The following FBXW11 variants were observed in gnomAD, a reference collection of about 807,000 sequenced individuals.
FBXW11 encodes F-box and WD repeat domain containing 11, also known as F-box/WD repeat-containing protein 11.
FBXW11 carries 19 observed loss-of-function variants against 77.6 expected under a neutral mutation model. The ratio of observed to expected loss-of-function variants is 0.24; its 90% CI spans 0.17 to 0.36. The LOEUF (loss-of-function observed/expected upper bound fraction) is 0.36. FBXW11 is among the 10% of genes least tolerant of loss of function. FBXW11 has a pLI of 1.00. For synonymous variants in FBXW11, 235 were observed against 249.4 expected (o/e 0.94, Z 0.54); for missense variants, 334 against 704.2 (o/e 0.47, Z 5.95).
chr5:171,996,793 C>T, intron 1 of FBXW11: 1 of 874,450 alleles, frequency 1.1e-6, no homozygotes, highest in Non-Finnish European at 1.5e-6. Context: ...CTCCCTTTCC[C>T]TATTAATGGA....
intron 1 of FBXW11, among the ~76,000 whole-genome samples, chr5:171,967,879 TATATACACACAC>T (rs1206428658): frequency 8.0e-5 from 5 of 62,678 alleles, no homozygotes; most frequent in African/African-American, 2.8e-4. Flanking sequence ...TATATATATA[TATATACACACAC>T]ACACACACAC....
intron 1 of FBXW11, among the ~76,000 whole-genome samples, chr5:171,984,688 C>CATG (rs1765340221): frequency 2.0e-5 from 3 of 152,280 alleles, no homozygotes; most frequent in Middle Eastern, 3.4e-3. Context: ...AAATTAAATA[C>CATG]ATGCAGCAAG....
intron 1 of FBXW11, among the ~76,000 whole-genome samples, chr5:171,959,758 GA>G (rs1410298884): frequency 1.3e-5 from 2 of 150,862 alleles, no homozygotes; most frequent in Non-Finnish European, 2.9e-5. Context: ...GCTGAGACAG[GA>G]AAATTGCTTG....
chr5:172,004,726 C>T (rs1250281320), intron 1 of FBXW11, among the ~76,000 whole-genome samples: 4 of 152,070 alleles, frequency 2.6e-5, no homozygotes, highest in African/African-American at 4.8e-5. Context: ...ATGTAATATA[C>T]TTAGTCGATT....
chr5:171,978,855 C>T (rs151235858), intron 1 of FBXW11, among the ~76,000 whole-genome samples: 2 of 152,222 alleles, frequency 1.3e-5, no homozygotes, highest in East Asian at 1.9e-4. Flanking sequence ...AAAAGAAATA[C>T]GAATAGCCAC....
chr5:171,912,644 T>A (rs766217138), intron 3 of FBXW11, among the ~76,000 whole-genome samples: 1 of 152,150 alleles, frequency 6.6e-6, no homozygotes, highest in Admixed American at 6.5e-5. Context: ...TGGTGGCTCA[T>A]GCCTGTAATC....
intron 1 of FBXW11, among the ~76,000 whole-genome samples, chr5:171,964,938 T>C (rs1209935750): frequency 1.3e-5 from 2 of 152,168 alleles, no homozygotes; most frequent in East Asian, 3.8e-4. Flanking sequence ...GCAACTGTAT[T>C]CTAGAATTAT....
chr5:171,933,092 T>C (rs185928979), intron 2 of FBXW11, among the ~76,000 whole-genome samples: 226 of 143,340 alleles, frequency 1.6e-3, no homozygotes, highest in African/African-American at 5.6e-3. Context: ...AATCACACCA[T>C]TGCACTCCAG....
At chr5:171,981,985 T>C (rs984485126) in intron 1 of FBXW11, among the ~76,000 whole-genome samples, 6 of 152,138 alleles carry the variant, frequency 3.9e-5, no homozygotes, top group African/African-American at 1.2e-4. Flanking sequence ...AACTAATCTA[T>C]AGTTATAGAA....
rs373995746 is a variant in FBXW11 at position 171,898,996 on chromosome 5, A to G, written c.714+8T>C. On this transcript the variant is annotated splice_region_variant and intron_variant, in intron 6 of 13. Transcript: ENST00000517395. Reference sequence around the variant, plus strand: ...AGAGCCCATAAAACAGATAAATCATAAAGTTACCTCTATATCCTGGATAAT... The same window carrying G: ...AGAGCCCATAAAACAGATAAATCATGAAGTTACCTCTATATCCTGGATAAT... 33 of 1,549,884 alleles carry G rather than the reference A, an allele frequency of 2.1e-5. No individual in the cohort carries two copies. Among genetic ancestry groups the G allele is most frequent in the Non-Finnish European group, 2.8e-5 (32 of 1,142,464 alleles).
chr5:171,959,857 A>AAAAG (rs60835432), intron 1 of FBXW11, among the ~76,000 whole-genome samples: 66,875 of 130,012 alleles, frequency 0.51, 17,322 homozygotes, highest in Admixed American at 0.58. Flanking sequence ...CAAAAAAAAA[A>AAAAG]AAAAGAAAAG....
At chr5:171,871,137 T>C (rs1221118328) in intron 10 of FBXW11, among the ~76,000 whole-genome samples, 2 of 152,238 alleles carry the variant, frequency 1.3e-5, no homozygotes, top group Non-Finnish European at 2.9e-5. Context: ...TGTATTACTA[T>C]TTAAATAAAA....
chr5:171,967,562 G>A (rs1172469784), intron 1 of FBXW11, among the ~76,000 whole-genome samples: 1 of 152,028 alleles, frequency 6.6e-6, no homozygotes, highest in Admixed American at 6.6e-5. Context: ...TACATAGGCC[G>A]GGCATGGTGG....
chr5:171,905,223 C>T (rs1273008744), intron 4 of FBXW11, among the ~76,000 whole-genome samples: 1 of 152,188 alleles, frequency 6.6e-6, no homozygotes, highest in African/African-American at 2.4e-5. Context: ...GTTCTGTCAA[C>T]TGCTAGTTGT....
chr5:172,002,527 A>G (rs1361288893), intron 1 of FBXW11, among the ~76,000 whole-genome samples: 1 of 151,328 alleles, frequency 6.6e-6, no homozygotes, highest in African/African-American at 2.4e-5. Flanking sequence ...GGTGTGCTAC[A>G]TGAGGAGAAA....
At chr5:171,974,784 G>A (rs1764730065) in intron 1 of FBXW11, among the ~76,000 whole-genome samples, 1 of 152,084 alleles carries the variant, frequency 6.6e-6, no homozygotes, top group African/African-American at 2.4e-5. Context: ...GGTTGGTTAA[G>A]ATCCCAAGTC....
chr5:171,935,699 C>T (rs1762438520), intron 2 of FBXW11, among the ~76,000 whole-genome samples: 1 of 152,074 alleles, frequency 6.6e-6, no homozygotes, highest in Non-Finnish European at 1.5e-5. Context: ...AGTGGAGCAG[C>T]ATCTTCCAAA....
At chr5:171,964,890 T>A (rs56232760) in intron 1 of FBXW11, among the ~76,000 whole-genome samples, 110 of 152,324 alleles carry the variant, frequency 7.2e-4, no homozygotes, top group Non-Finnish European at 1.4e-3. Flanking sequence ...ATAGTAAACA[T>A]GTGACATGTA....
At chr5:171,895,782 A>G (rs1446273498) in intron 6 of FBXW11, among the ~76,000 whole-genome samples, 1 of 152,260 alleles carries the variant, frequency 6.6e-6, no homozygotes, top group African/African-American at 2.4e-5. Flanking sequence ...GTAGCAAAGT[A>G]TCCAGCAGTC....
Sources: gnomAD v4.1 joint callset for allele counts (sites outside exome capture counted in the v4.1 genomes callset) on GRCh38, gnomAD v4.1.1 for gene constraint, MANE v1.5 for transcripts, NCBI Gene and HGNC (gene_info 2026-07-23, HGNC 2026-07-21) for gene names.